Variants in DNAJC6 observed in about 807,000 individuals in gnomAD.
The protein encoded by DNAJC6 is DnaJ heat shock protein family (Hsp40) member C6.
Under a neutral mutation model 110.0 loss-of-function variants are expected in DNAJC6, and 34 were observed. The ratio of observed to expected loss-of-function variants is 0.31; its 90% confidence interval spans 0.24 to 0.41. DNAJC6 has a LOEUF of 0.41. Ranked by LOEUF, DNAJC6 falls within the 10% of genes least tolerant of loss-of-function variation. DNAJC6 has a pLI of 1.00. For missense variants in DNAJC6, 1,031 were observed against 1,207.8 expected (o/e 0.85, Z 2.17); for synonymous variants, 406 against 437.2 (o/e 0.93, Z 0.89).
At chr1:65,354,975 C>T (rs1029001943) in intron 1 of DNAJC6, among the ~76,000 whole-genome samples, 4 of 152,130 alleles carry the variant, frequency 2.6e-5, no homozygotes, top group Non-Finnish European at 5.9e-5. Context: ...CAGCAACTTC[C>T]CCATTAAATT....
chr1:65,376,422 A>G (rs1003296871), intron 4 of DNAJC6, among the ~76,000 whole-genome samples: 3 of 150,992 alleles, frequency 2.0e-5, no homozygotes, highest in Non-Finnish European at 4.4e-5. Flanking sequence ...CTTTCCTTCT[A>G]GTAATTTTGG....
At chr1:65,358,178 C>CAAAAAAAAAA (rs11285114) in intron 1 of DNAJC6, among the ~76,000 whole-genome samples, 2 of 80,030 alleles carry the variant, frequency 2.5e-5, no homozygotes, top group Non-Finnish European at 4.8e-5. Context: ...GACTCAGTCT[C>CAAAAAAAAAA]AAAAAAAAAA....
intron 17 of DNAJC6, among the ~76,000 whole-genome samples, chr1:65,409,679 G>A (rs976732706): frequency 1.3e-5 from 2 of 152,164 alleles, no homozygotes; most frequent in African/African-American, 4.8e-5. Context: ...TAGACCTGGA[G>A]CTTTGGAAAG....
At chr1:65,328,042 T>A (rs899209541) in intron 1 of DNAJC6, among the ~76,000 whole-genome samples, 1 of 152,204 alleles carries the variant, frequency 6.6e-6, no homozygotes, top group South Asian at 2.1e-4. Flanking sequence ...GATGGGAAGA[T>A]ATTCAAAATA....
chr1:65,399,842 CT>C (rs1346151071), intron 14 of DNAJC6, among the ~76,000 whole-genome samples: 4 of 152,104 alleles, frequency 2.6e-5, no homozygotes, highest in African/African-American at 9.7e-5. Context: ...CAAGGTTCAT[CT>C]GTGTTGTAAC....
chr1:65,371,481 A>G (rs1007429205), intron 4 of DNAJC6, among the ~76,000 whole-genome samples: 18 of 152,210 alleles, frequency 1.2e-4, no homozygotes, highest in African/African-American at 4.3e-4. Context: ...TATGATTAAC[A>G]TTGGTAATAA....
intron 1 of DNAJC6, among the ~76,000 whole-genome samples, chr1:65,359,233 T>C (rs1013952677): frequency 1.3e-5 from 2 of 152,196 alleles, no homozygotes; most frequent in African/African-American, 4.8e-5. Flanking sequence ...AGCAATCTAG[T>C]GGGAGACAGA....
chr1:65,273,197 T>A (rs10889532), intron 1 of DNAJC6, among the ~76,000 whole-genome samples: 2 of 151,952 alleles, frequency 1.3e-5, no homozygotes, highest in African/African-American at 4.8e-5. Context: ...CCTCTTACAC[T>A]CTTTGGCTAT....
chr1:65,275,947 A>G (rs948906438), intron 1 of DNAJC6, among the ~76,000 whole-genome samples: 1 of 147,696 alleles, frequency 6.8e-6, no homozygotes, highest in African/African-American at 2.5e-5. Flanking sequence ...CCCAGGCTGC[A>G]GTGCGATCCT....
chr1:65,354,972 TTC>T (rs1172659446), intron 1 of DNAJC6, among the ~76,000 whole-genome samples: 1 of 152,122 alleles, frequency 6.6e-6, no homozygotes, highest in Admixed American at 6.5e-5. Context: ...TTCCAGCAAC[TTC>T]CCCATTAAAT....
At chr1:65,295,196 G>T (rs1644917472) in intron 1 of DNAJC6, among the ~76,000 whole-genome samples, 1 of 152,210 alleles carries the variant, frequency 6.6e-6, no homozygotes, top group Non-Finnish European at 1.5e-5. Context: ...TCTTGTAATT[G>T]TATGAAGCAT....
chr1:65,296,966 G>C (rs1644935345), intron 1 of DNAJC6, among the ~76,000 whole-genome samples: 1 of 152,192 alleles, frequency 6.6e-6, no homozygotes, highest in African/African-American at 2.4e-5. Context: ...CTATCATGGA[G>C]CTTACAGTCT....
chr1:65,385,975 G>C (rs908665480), intron 7 of DNAJC6, 69 bp downstream of exon 7: 1 of 1,383,500 alleles, frequency 7.2e-7, no homozygotes, highest in Non-Finnish European at 9.8e-7. Context: ...GGAATGAGTT[G>C]AATCATATTC....
chr1:65,375,254 C>T (rs1046289331), intron 4 of DNAJC6, among the ~76,000 whole-genome samples: 1 of 151,968 alleles, frequency 6.6e-6, no homozygotes. Context: ...CGTGAGCTGC[C>T]GAGCCTGGCC....
intron 1 of DNAJC6, among the ~76,000 whole-genome samples, chr1:65,330,347 G>T (rs563267708): frequency 6.6e-6 from 1 of 152,246 alleles, no homozygotes; most frequent in South Asian, 2.1e-4. Context: ...ACCATATTCT[G>T]CCTTTCTTTT....
intron 1 of DNAJC6, among the ~76,000 whole-genome samples, chr1:65,340,436 C>T (rs1309015154): frequency 6.6e-6 from 1 of 152,164 alleles, no homozygotes; most frequent in Non-Finnish European, 1.5e-5. Context: ...CTATAGCCAT[C>T]TATGTGCTAT....
At position 65,389,640 on chromosome 1, in the gene DNAJC6, G is replaced by A. The variant is rs1401400816; in HGVS notation, c.1468+13G>A. The A allele has an allele frequency of 6.2e-7, 1 of 1,612,248 alleles. No individual in the cohort carries two copies. Among genetic ancestry groups the A allele is most frequent in the Non-Finnish European group, 8.5e-7 (1 of 1,178,352 alleles). On this transcript the variant is annotated intron_variant, in intron 11 of 18. Coordinates refer to ENST00000371069, the MANE Select transcript of DNAJC6 (RefSeq NM_001256864.2). ...CTCTGTTGGCAAGGTATTTACAAGTGTTTCTTTAAGTCACATGGTTTGATG... is the reference window on the plus strand; with the variant it reads ...CTCTGTTGGCAAGGTATTTACAAGTATTTCTTTAAGTCACATGGTTTGATG...
At chr1:65,368,282 A>G (rs1203580705) in intron 4 of DNAJC6, among the ~76,000 whole-genome samples, 2 of 152,154 alleles carry the variant, frequency 1.3e-5, no homozygotes, top group Non-Finnish European at 1.5e-5. Context: ...TATACAAATC[A>G]TAAAATATCT....
intron 1 of DNAJC6, among the ~76,000 whole-genome samples, chr1:65,324,062 T>C (rs1645219579): frequency 6.6e-6 from 1 of 152,236 alleles, no homozygotes; most frequent in African/African-American, 2.4e-5. Context: ...ATATTTTTCT[T>C]ATCCTGAGGT....
Sources: gnomAD v4.1 joint callset for allele counts (sites outside exome capture counted in the v4.1 genomes callset) on GRCh38, gnomAD v4.1.1 for gene constraint, MANE v1.5 for transcripts, NCBI Gene and HGNC (gene_info 2026-07-23, HGNC 2026-07-21) for gene names.